The following MAST3 variants were observed in gnomAD, a reference collection of about 807,000 sequenced individuals.
The protein encoded by MAST3 is microtubule-associated serine/threonine-protein kinase 3.
A neutral mutation model predicts 127.0 loss-of-function variants in MAST3; 43 were observed. The observed-to-expected ratio is 0.34, with a 90% CI of 0.27 to 0.44. The LOEUF is 0.44. Among genes scored for constraint, MAST3 ranks in the 20% least tolerant of loss-of-function variants. MAST3 has a pLI of 1.00. For synonymous variants in MAST3, 785 were observed against 809.2 expected (o/e 0.97, Z 0.51); for missense variants, 1,390 against 1,919.1 (o/e 0.72, Z 5.15).
chr19:18,102,791 T>C (rs2146811060), intron 1 of MAST3, among the ~76,000 whole-genome samples: 1 of 150,400 alleles, frequency 6.6e-6, no homozygotes, highest in East Asian at 2.0e-4. Context: ...AAACTCTTGA[T>C]CTTAAGTGAT....
At chr19:18,132,429 C>T (rs1236082308) in intron 15 of MAST3, among the ~76,000 whole-genome samples, 2 of 152,186 alleles carry the variant, frequency 1.3e-5, no homozygotes, top group Non-Finnish European at 2.9e-5. Flanking sequence ...ACTTATAAGA[C>T]ACCAACTACA....
At chr19:18,146,349 G>A (rs1301922786) in intron 25 of MAST3, among the ~76,000 whole-genome samples, 1 of 152,186 alleles carries the variant, frequency 6.6e-6, no homozygotes, top group Non-Finnish European at 1.5e-5. Context: ...GGAGTCTGAG[G>A]TGAGAGGATC....
In MAST3 at chr19:18,144,624, G is replaced by A; in HGVS notation, c.2743G>A (p.Gly915Ser). ...KSRASSSGGS[G>S]GGSGGRVPKS... ...CAGAGCCTCCTCCAGCGGTGGCAGT[G>A]GTGGCGGCAGTGGGGGCCGCGTGCC... The change falls in exon 23 of 28, where the codon GGT (glycine) becomes AGT (serine). Residue 915 changes from glycine to serine, a missense_variant. By Grantham distance (56) the Gly-to-Ser change is moderately conservative. Around this residue, in one of 5 missense-constraint regions of MAST3, gnomAD observed 816 missense variants for 934.1 expected, o/e 0.87. Coordinates refer to ENST00000687212, the MANE Select transcript of MAST3 (RefSeq NM_001393504.1). The surrounding 1 kb of genome is among the most constrained non-coding windows in gnomAD (Gnocchi z 4.0). 6.2e-7 allele frequency: 1 copy of A among 1,611,716 alleles called. No homozygotes were observed. The highest frequency in any genetic ancestry group is 1.1e-5 in the South Asian group (1 of 91,068).
intron 17 of MAST3, 97 bp from the exon 18 acceptor site, chr19:18,135,643 G>C: frequency 1.1e-6 from 1 of 922,782 alleles, no homozygotes. Context: ...CAGTGGCTTG[G>C]AGTACAGTGA....
At chr19:18,142,159 A>G in intron 21 of MAST3, 144 bp downstream of exon 21, 1 of 892,464 alleles carries the variant, frequency 1.1e-6, no homozygotes, top group Non-Finnish European at 1.5e-6. Context: ...GTCCCTGGCA[A>G]CCTTGCTCCC....
chr19:18,116,396 G>A (rs201588484), intron 3 of MAST3, among the ~76,000 whole-genome samples: 7 of 150,976 alleles, frequency 4.6e-5, no homozygotes, highest in Admixed American at 2.6e-4. Context: ...GGGTTCAAGC[G>A]ATTCTCCTGC....
At position 18,134,827 on chromosome 19, in the gene MAST3, C is replaced by T. The variant is rs1257364310; in HGVS notation, c.1715C>T (p.Thr572Met). ...REFIDKQVCG[T>M]PEYIAPEVIF... ...TTCTCCCTGGCCCAGGTGTGTGGGA[C>T]GCCGGAGTACATAGCCCCCGAGGTG... Residue 572 changes from threonine (T) to methionine (M), a missense_variant, in exon 17 of 28, where the codon ACG (threonine) becomes ATG (methionine). Physicochemically the swap from Thr to Met is moderately conservative, Grantham distance 81. Coordinates refer to ENST00000687212, the MANE Select transcript of MAST3 (RefSeq NM_001393504.1). The T allele has an allele frequency of 5.6e-6, 9 of 1,613,856 alleles. No homozygotes were observed. The highest frequency in any genetic ancestry group is 1.3e-5 in the African/African-American group (1 of 74,918).
intron 3 of MAST3, among the ~76,000 whole-genome samples, chr19:18,113,068 G>A (rs920420802): frequency 2.6e-5 from 4 of 152,142 alleles, no homozygotes; most frequent in African/African-American, 9.7e-5. Context: ...CCGTGTGTTG[G>A]AGGCCGCTGA....
At chr19:18,127,542 G>A (rs1041294941) in intron 11 of MAST3, among the ~76,000 whole-genome samples, 1 of 152,196 alleles carries the variant, frequency 6.6e-6, no homozygotes, top group Non-Finnish European at 1.5e-5. Flanking sequence ...AAGTTAGCCA[G>A]GTGTGGTGGC....
Position 18,144,837 on chromosome 19 carries a change from G to C in MAST3, c.2812+144G>C. 1.0e-6 allele frequency: 1 copy of C among 1,002,992 alleles called. No individual in the cohort carries two copies. The highest frequency in any genetic ancestry group is 1.4e-5 in the South Asian group (1 of 73,314). The allele number at this position is 1,002,992 out of a possible 1,614,324, so 62.1% of individuals were successfully genotyped here. On this transcript the variant is annotated intron_variant, in intron 23 of 27. Coordinates refer to ENST00000687212, the MANE Select transcript of MAST3 (RefSeq NM_001393504.1). The surrounding 1 kb of genome is among the most constrained non-coding windows in gnomAD (Gnocchi z 4.0). ...GGACACATGGAGAGCTGGGGAGATG[G>C]TGTTCCCAGTAGAGGGCACTGCACG...
chr19:18,138,987 G>GT, intron 19 of MAST3, 28 bp from the exon 20 acceptor site: 1 of 1,466,414 alleles, frequency 6.8e-7, no homozygotes, highest in Non-Finnish European at 9.4e-7. Flanking sequence ...GGCATCAGGC[G>GT]TGCTGCATGT....
At chr19:18,131,056 G>T (rs1386815399) in intron 14 of MAST3, among the ~76,000 whole-genome samples, 3 of 152,210 alleles carry the variant, frequency 2.0e-5, no homozygotes, top group African/African-American at 7.2e-5. Flanking sequence ...GCGAGAGAGC[G>T]AACATGCACT....
chr19:18,146,050 G>C (rs1323246913), intron 25 of MAST3, among the ~76,000 whole-genome samples, 185 bp downstream of exon 25: 1 of 152,124 alleles, frequency 6.6e-6, no homozygotes, highest in Non-Finnish European at 1.5e-5. Flanking sequence ...TCACCCCTTA[G>C]AGCTGCTCCT....
At chr19:18,107,557 A>G in intron 1 of MAST3, 30 bp from the exon 2 acceptor site, 3 of 1,612,932 alleles carry the variant, frequency 1.9e-6, no homozygotes, top group Middle Eastern at 1.6e-4. Context: ...AGTCTCTCTG[A>G]GAATGATCCC....
chr19:18,112,341 G>A lies in MAST3; in HGVS notation c.161+1600G>A, dbSNP rs745720149. Among the ~76,000 whole-genome samples the A allele has an allele frequency of 5.9e-5, 9 of 152,032 alleles. No individual in the cohort carries two copies. Among genetic ancestry groups the A allele is most frequent in the African/African-American group, 7.2e-5 (3 of 41,400 alleles). Reference sequence around the variant, plus strand: ...CGCCCGGCTAATTTTTTGTTTGTTTGTTTGTTTGTTTGAGAAGGGATCTTG... The same window carrying A: ...CGCCCGGCTAATTTTTTGTTTGTTTATTTGTTTGTTTGAGAAGGGATCTTG... On this transcript the variant is annotated intron_variant, in intron 3 of 27. Coordinates refer to ENST00000687212, the MANE Select transcript of MAST3 (RefSeq NM_001393504.1). The surrounding 1 kb of genome is among the most constrained non-coding windows in gnomAD (Gnocchi z 4.1).
At chr19:18,129,830 T>G (rs966468950) in intron 13 of MAST3, among the ~76,000 whole-genome samples, 1 of 150,282 alleles carries the variant, frequency 6.7e-6, no homozygotes, top group East Asian at 2.0e-4. Flanking sequence ...GAGGCTGAAG[T>G]TGGAGGATCA....
intron 3 of MAST3, among the ~76,000 whole-genome samples, chr19:18,118,699 G>A (rs763779724): frequency 1.3e-5 from 2 of 152,170 alleles, no homozygotes; most frequent in East Asian, 1.9e-4. Flanking sequence ...GTTAACCCCC[G>A]CCAAAGCCTC....
In MAST3 at chr19:18,145,197, A is replaced by G; in HGVS notation, c.3007A>G (p.Ser1003Gly). The G allele has an allele frequency of 6.2e-7, 1 of 1,613,932 alleles. No individual in the cohort carries two copies. Among genetic ancestry groups the G allele is most frequent in the East Asian group, 2.2e-5 (1 of 44,878 alleles). Residue 1003 changes from serine to glycine, a missense_variant, in exon 24 of 28, where the codon AGC becomes GGC. Transcript: ENST00000687212. This position sits in a 1 kb window ranked among gnomAD's most constrained non-coding sequence, Gnocchi z 5.9. The stretch of plus-strand genomic sequence containing the variant: ...GGCGATCCGCGTCTACATGGGTGAT[A>G]GCGACGTCTACACTGTGCACCACGT... ...LRAIRVYMGDSDVYTVHHVVW... is the reference protein window; with the variant it reads ...LRAIRVYMGDGDVYTVHHVVW...
Position 18,149,191 on chromosome 19 carries a change from A to G in MAST3, c.3509A>G (p.Asp1170Gly), listed in dbSNP as rs376277923. Residue 1170 changes from aspartate to glycine, a missense_variant and splice_region_variant, in exon 28 of 28, where the codon GAT becomes GGT. This residue lies in a region of MAST3 where 816 missense variants were observed against 934.1 expected (regional missense o/e 0.87). Transcript: ENST00000687212. This position sits in a 1 kb window ranked among gnomAD's most constrained non-coding sequence, Gnocchi z 5.9. ...CCTGACCTACGCTTATCACCCACAG[A>G]TACCACTGCATCCCCACCCAGCGCA... ...CRSPAPDVPADTTASPPSASP... is the reference protein window; with the variant it reads ...CRSPAPDVPAGTTASPPSASP... 6.6e-7 allele frequency: 1 copy of G among 1,511,080 alleles called. No homozygotes were observed. Among genetic ancestry groups the G allele is most frequent in the Non-Finnish European group, 8.8e-7 (1 of 1,131,650 alleles). The allele number at this position is 1,511,080 out of a possible 1,614,324, so 93.6% of individuals were successfully genotyped here.
Sources: gnomAD v4.1 joint callset for allele counts (sites outside exome capture counted in the v4.1 genomes callset) on GRCh38, gnomAD v4.1.1 for gene constraint, gnomAD v4.1.1 regional missense constraint, Gnocchi (gnomAD v3.1) non-coding constraint, MANE v1.5 for transcripts, NCBI Gene and HGNC (gene_info 2026-07-23, HGNC 2026-07-21) for gene names.